Variants in NAA38 observed in about 807,000 individuals in gnomAD.
NAA38 encodes the protein N-alpha-acetyltransferase 38, NatC auxiliary subunit.
A neutral mutation model predicts 12.6 loss-of-function variants in NAA38; 15 were observed. The ratio of observed to expected loss-of-function variants is 1.19; its 90% CI spans 0.79 to 1.83. The LOEUF is 1.83. Ranked by LOEUF, NAA38 falls within the 40% of genes most tolerant of loss-of-function variation. The pLI is 0.00. For synonymous variants in NAA38, 88 were observed against 69.9 expected, an observed-to-expected ratio of 1.26 and a Z score of -1.29; for missense variants, 183 against 171.7, an observed-to-expected ratio of 1.07 and a Z score of -0.37.
At chr17:7,872,273 C>A (rs1200000561) in intron 2 of NAA38, among the ~76,000 whole-genome samples, 1 of 152,144 alleles carries the variant, frequency 6.6e-6, no homozygotes, top group African/African-American at 2.4e-5. Flanking sequence ...CCTTTTTCAC[C>A]CCCAAGATCA....
At chr17:7,878,381 TA>T (rs57414300) in intron 2 of NAA38, among the ~76,000 whole-genome samples, 188 of 145,296 alleles carry the variant, frequency 1.3e-3, no homozygotes, top group African/African-American at 1.1e-3. Context: ...CAATAAAATG[TA>T]AAAAAAAAAA....
At position 7,867,059 on chromosome 17, in the gene NAA38, C is replaced by T. The variant is rs368109115; in HGVS notation, c.-65-501G>A. On this transcript the variant is annotated intron_variant, in intron 2 of 4. Transcript: ENST00000576861. ...GGAGGAGTCAGTCAAGTGGGGAGGA[C>T]AAGGGATAGGTGGAGGAGAGAATGG... 2.6e-4 allele frequency among the ~76,000 whole-genome samples: 39 copies of T among 152,158 alleles called. No homozygotes were observed. In the South Asian group the frequency reaches 7.9e-3, roughly 31 times the overall value.
At chr17:7,863,826 T>C in intron 3 of NAA38, 1 of 152,084 alleles carries the variant, frequency 6.6e-6, no homozygotes, top group Non-Finnish European at 1.5e-5. Context: ...AAAGTTATAA[T>C]ACAATGTGGT....
chr17:7,884,094 A>ACACT (rs1226233922), intron 1 of NAA38, among the ~76,000 whole-genome samples: 1 of 150,718 alleles, frequency 6.6e-6, no homozygotes, highest in Non-Finnish European at 1.5e-5. Flanking sequence ...ACACACACAC[A>ACACT]CTTCAGTACA....
At chr17:7,880,265 A>G (rs1378904257) in intron 2 of NAA38, among the ~76,000 whole-genome samples, 2 of 152,096 alleles carry the variant, frequency 1.3e-5, no homozygotes, top group Admixed American at 6.5e-5. Context: ...AGACAGACAG[A>G]TAAGAAGAAA....
At chr17:7,866,982 G>A (rs1966994490) in intron 2 of NAA38, among the ~76,000 whole-genome samples, 1 of 152,176 alleles carries the variant, frequency 6.6e-6, no homozygotes, top group Non-Finnish European at 1.5e-5. Context: ...CCAGTTCGGG[G>A]GGACCAAGCC....
chr17:7,879,531 G>A (rs1043178455), intron 2 of NAA38, among the ~76,000 whole-genome samples: 11 of 151,650 alleles, frequency 7.3e-5, no homozygotes, highest in South Asian at 2.1e-4. Flanking sequence ...TTGCTTTTGC[G>A]TTAAATAATC....
At chr17:7,878,388 A>C (rs944110392) in intron 2 of NAA38, among the ~76,000 whole-genome samples, 5 of 152,030 alleles carry the variant, frequency 3.3e-5, no homozygotes, top group Non-Finnish European at 7.4e-5. Context: ...ATGTAAAAAA[A>C]AAAAAAGTTA....
In NAA38 at chr17:7,857,129, T is replaced by G. The variant is rs866612553; in HGVS notation, c.151A>C (p.Lys51Gln). Residue 51 changes from lysine to glutamine, a missense_variant, in exon 2 of 3, where the codon AAG (lysine) becomes CAG (glutamine). By Grantham distance (53) the Lys-to-Gln change is moderately conservative (BLOSUM62 1). Coordinates refer to ENST00000575771, the MANE Select transcript of NAA38 (RefSeq NM_001320925.4). The part of the protein sequence containing the change: ...ARQQLEALLN[K>Q]TMRIRMTDGR... ...TCTGTCATGCGAATGCGCATAGTCTTGTTGAGCAGCGCCTCTAGCTGCTGT... is the reference window on the plus strand; with the variant it reads ...TCTGTCATGCGAATGCGCATAGTCTGGTTGAGCAGCGCCTCTAGCTGCTGT... The G allele has an allele frequency of 6.2e-7, 1 of 1,613,316 alleles. No homozygotes were observed.
chr17:7,877,900 G>T (rs533659432), intron 2 of NAA38, among the ~76,000 whole-genome samples: 1 of 152,040 alleles, frequency 6.6e-6, no homozygotes, highest in African/African-American at 2.4e-5. Flanking sequence ...ATTGGAAACC[G>T]AAAGATAAAA....
chr17:7,864,159 C>CAT (rs1966921521), intron 3 of NAA38: 1 of 152,164 alleles, frequency 6.6e-6, no homozygotes, highest in Non-Finnish European at 1.5e-5. Context: ...GTAGAGTACA[C>CAT]GGTTTGGCTG....
chr17:7,879,243 T>C (rs1444796138), intron 2 of NAA38, among the ~76,000 whole-genome samples: 2 of 152,164 alleles, frequency 1.3e-5, no homozygotes, highest in Non-Finnish European at 2.9e-5. Context: ...AAAAGACAAT[T>C]AGGAATCTCT....
chr17:7,880,222 G>A (rs1278899727), intron 2 of NAA38, among the ~76,000 whole-genome samples: 1 of 151,302 alleles, frequency 6.6e-6, no homozygotes, highest in African/African-American at 2.4e-5. Flanking sequence ...AGGGGAGAGG[G>A]CCAATCAGAA....
At chr17:7,877,615 G>A (rs981463435) in intron 2 of NAA38, among the ~76,000 whole-genome samples, 3 of 152,234 alleles carry the variant, frequency 2.0e-5, no homozygotes, top group South Asian at 4.1e-4. Context: ...TACAAACAGT[G>A]TTGTAATGAA....
chr17:7,881,461 A>G (rs73233645), intron 2 of NAA38, among the ~76,000 whole-genome samples: 612 of 152,088 alleles, frequency 4.0e-3, no homozygotes, highest in African/African-American at 0.014. Flanking sequence ...CAAACGTGAG[A>G]GAAGGCAGGG....
At chr17:7,868,718 CTTTA>C (rs1289687704) in intron 2 of NAA38, among the ~76,000 whole-genome samples, 7 of 152,172 alleles carry the variant, frequency 4.6e-5, no homozygotes, top group Non-Finnish European at 8.8e-5. Flanking sequence ...GCTAGCCATT[CTTTA>C]TTTAGTAATG....
Position 7,881,307 on chromosome 17 carries a change from A to G in NAA38, c.-66+1928T>C, listed in dbSNP as rs531289570. On this transcript the variant is annotated intron_variant, in intron 2 of 4. Transcript: ENST00000576861. ...AACAAAAGAAGAGAGAAAAGCAAGA[A>G]GAGACGTGGACAGCAAGAGCCTGCC... is the stretch of plus-strand genomic sequence containing the variant. Among the ~76,000 whole-genome samples the G allele has an allele frequency of 3.3e-5, 5 of 152,292 alleles. No homozygotes were observed. The East Asian group carries it at 9.7e-4, about 30-fold the overall frequency.
intron 2 of NAA38, among the ~76,000 whole-genome samples, chr17:7,880,031 G>C (rs1017398706): frequency 6.6e-6 from 1 of 151,718 alleles, no homozygotes; most frequent in African/African-American, 2.4e-5. Context: ...AGAGAAGAAG[G>C]GAAGACAGAT....
intron 2 of NAA38, among the ~76,000 whole-genome samples, chr17:7,879,652 AT>A (rs556348204): frequency 5.6e-4 from 85 of 151,218 alleles, no homozygotes; most frequent in Middle Eastern, 3.4e-3. Context: ...AACAAAAAAA[AT>A]ATTCTCCTGT....
Sources: gnomAD v4.1 joint callset for allele counts (sites outside exome capture counted in the v4.1 genomes callset) on GRCh38, gnomAD v4.1.1 for gene constraint, MANE v1.5 for transcripts, NCBI Gene and HGNC (gene_info 2026-07-23, HGNC 2026-07-21) for gene names.